PPM1D: variants seen among roughly 807,000 people sequenced by gnomAD.
The protein encoded by PPM1D is protein phosphatase 1D.
A neutral mutation model predicts 58.3 loss-of-function variants in PPM1D; 52 were observed. The ratio of observed to expected loss-of-function variants is 0.89; its 90% CI spans 0.71 to 1.12. PPM1D has a LOEUF of 1.12. PPM1D is among the 50% of genes most tolerant of loss of function. The pLI, the probability that PPM1D is intolerant of heterozygous loss-of-function variation, is 0.00. For missense variants in PPM1D, 564 were observed against 777.2 expected (o/e 0.73, Z 3.26); for synonymous variants, 278 against 285.1 (o/e 0.98, Z 0.25).
chr17:60,630,514 T>A (rs1421430915), intron 2 of PPM1D, among the ~76,000 whole-genome samples: 1 of 152,218 alleles, frequency 6.6e-6, no homozygotes, highest in Non-Finnish European at 1.5e-5. Flanking sequence ...GCCAGCATTT[T>A]GTTTTTCCAG....
chr17:60,628,158 T>C (rs1020504059), intron 2 of PPM1D, among the ~76,000 whole-genome samples: 9 of 152,354 alleles, frequency 5.9e-5, no homozygotes, highest in African/African-American at 2.2e-4. Flanking sequence ...CTGAATTGAA[T>C]GCTTTTTAAA....
intron 4 of PPM1D, among the ~76,000 whole-genome samples, chr17:60,652,602 G>A (rs1265824790): frequency 8.5e-6 from 1 of 117,342 alleles, no homozygotes; most frequent in Non-Finnish European, 1.7e-5. Flanking sequence ...GTTCTTCGTA[G>A]TGGCTGCTCT....
intron 3 of PPM1D, 21 bp downstream of exon 3, chr17:60,633,998 T>A (rs1433683741): frequency 6.2e-7 from 1 of 1,608,646 alleles, no homozygotes; most frequent in Admixed American, 1.7e-5. Context: ...CTTAATTTGG[T>A]GAAATTATAT....
chr17:60,654,555 A>T (rs1214659560), intron 4 of PPM1D, among the ~76,000 whole-genome samples: 2 of 150,824 alleles, frequency 1.3e-5, no homozygotes, highest in South Asian at 4.2e-4. Context: ...ATTTATTTCT[A>T]TGGGTACTTT....
intron 5 of PPM1D, among the ~76,000 whole-genome samples, chr17:60,658,648 C>CAA (rs542643373): frequency 1.8e-4 from 12 of 67,428 alleles, no homozygotes; most frequent in African/African-American, 2.8e-4. Context: ...AACCCCATCT[C>CAA]AAAAAAAAAA....
chr17:60,635,957 T>C (rs147514698), intron 3 of PPM1D, among the ~76,000 whole-genome samples: 38 of 152,298 alleles, frequency 2.5e-4, no homozygotes, highest in African/African-American at 8.9e-4. Context: ...CAGGGTCTCT[T>C]GTGTAGCTGC....
At chr17:60,642,347 A>C (rs2031150920) in intron 3 of PPM1D, among the ~76,000 whole-genome samples, 1 of 148,048 alleles carries the variant, frequency 6.8e-6, no homozygotes, top group Non-Finnish European at 1.5e-5. Flanking sequence ...CAGGTAGAAG[A>C]ATGGATTTTT....
At chr17:60,627,628 G>T (rs2030836600) in intron 2 of PPM1D, among the ~76,000 whole-genome samples, 3 of 151,940 alleles carry the variant, frequency 2.0e-5, no homozygotes, top group South Asian at 2.1e-4. Flanking sequence ...CACCGTTTTG[G>T]TCAGGCTGGT....
rs559904273 is a variant in PPM1D at position 60,605,001 on chromosome 17, T to A, written c.472+4115T>A. On this transcript the variant is annotated intron_variant, in intron 1 of 5. Coordinates refer to ENST00000305921, the MANE Select transcript of PPM1D (RefSeq NM_003620.4). The stretch of plus-strand genomic sequence containing the variant: ...ACCCAGCTAATTTTTGTATTTTTTT[T>A]AGCAGAGATGGGGTTTCGCCATGTT... Among the ~76,000 whole-genome samples the A allele has an allele frequency of 4.6e-5, 7 of 152,268 alleles. No individual in the cohort carries two copies. In the South Asian group the frequency reaches 1.4e-3, roughly 32 times the overall value.
intron 4 of PPM1D, among the ~76,000 whole-genome samples, chr17:60,654,046 G>A (rs557072512): frequency 3.9e-5 from 6 of 152,006 alleles, no homozygotes; most frequent in African/African-American, 1.4e-4. Context: ...TGCTCTGGCC[G>A]GGACTTCCAG....
intron 4 of PPM1D, among the ~76,000 whole-genome samples, chr17:60,654,757 A>G: frequency 6.6e-6 from 1 of 151,650 alleles, no homozygotes. Flanking sequence ...AATCCCAGCT[A>G]CTTGGGAGGC....
intron 3 of PPM1D, among the ~76,000 whole-genome samples, chr17:60,635,484 G>T (rs544705575): frequency 6.6e-6 from 1 of 152,274 alleles, no homozygotes; most frequent in Admixed American, 6.5e-5. Flanking sequence ...CAAAGTGCTG[G>T]GATTACAGGC....
rs2031551111 is a variant in PPM1D, at chr17:60,662,996, C to A, written c.1262C>A (p.Ser421Ter). The stretch of plus-strand genomic sequence containing the variant: ...TTGTTTTACCTTCTTATTTTTCAGT[C>A]ACTGGAGGAGGATCCATGGCCAAGG... Reference protein sequence around the residue: ...PSPCSTPPVKSLEEDPWPRVN... With the variant: ...PSPCSTPPVK Residue 421 changes from serine (S) to a stop codon, truncating the protein, a stop_gained and splice_region_variant, in exon 6 of 6, where the codon TCA becomes TAA. Transcript: ENST00000305921. LOFTEE classifies it high-confidence loss of function. 1 of 1,587,276 alleles carries A rather than the reference C, an allele frequency of 6.3e-7. No homozygotes were observed. The highest frequency in any genetic ancestry group is 8.6e-7 in the Non-Finnish European group (1 of 1,168,236).
chr17:60,646,885 G>A (rs557908526), intron 3 of PPM1D, among the ~76,000 whole-genome samples: 1 of 152,182 alleles, frequency 6.6e-6, no homozygotes, highest in Non-Finnish European at 1.5e-5. Context: ...TGGTCATATG[G>A]TTGGTAAAGA....
At chr17:60,614,345 T>C (rs1347596572) in intron 1 of PPM1D, among the ~76,000 whole-genome samples, 1 of 151,882 alleles carries the variant, frequency 6.6e-6, no homozygotes, top group African/African-American at 2.4e-5. Context: ...TAGCTCAAGG[T>C]TTGTAAATGC....
In PPM1D at chr17:60,665,457, C is replaced by T. The variant is rs575392906; in HGVS notation, c.*1905C>T. ...TCTCTTGACCTCATGATCCACCAGCCTAGGCCTCCCAAAGTGCTGGGATTA... is the reference window on the plus strand; with the variant it reads ...TCTCTTGACCTCATGATCCACCAGCTTAGGCCTCCCAAAGTGCTGGGATTA... On this transcript the variant is annotated 3_prime_UTR_variant, in exon 6 of 6. Transcript: ENST00000305921. 2 of 152,212 alleles carry T rather than the reference C, an allele frequency of 1.3e-5. No homozygotes were observed. The highest frequency in any genetic ancestry group is 2.1e-4 in the South Asian group (1 of 4,820). 9.4% of individuals were successfully genotyped at this position (152,212 alleles called of 1,614,324 possible). A position where few individuals can be genotyped will look rare whatever the true frequency, so the allele number is the denominator to read the frequency against.
intron 5 of PPM1D, chr17:60,657,051 G>A (rs2031455536): frequency 1.4e-6 from 2 of 1,460,514 alleles, no homozygotes; most frequent in South Asian, 2.7e-5. Flanking sequence ...AGGTGATTGT[G>A]GGCCCTTAAG....
At chr17:60,638,738 A>G (rs2031074159) in intron 3 of PPM1D, among the ~76,000 whole-genome samples, 1 of 152,132 alleles carries the variant, frequency 6.6e-6, no homozygotes, top group Non-Finnish European at 1.5e-5. Context: ...GCATGGAAAT[A>G]CTTACTGGCC....
intron 4 of PPM1D, 64 bp from the exon 5 acceptor site, chr17:60,656,529 TGATATA>T: frequency 6.5e-7 from 1 of 1,538,448 alleles, no homozygotes; most frequent in Non-Finnish European, 8.8e-7. Context: ...ATATTTAATT[TGATATA>T]GATACAGATG....
Sources: gnomAD v4.1 joint callset for allele counts (sites outside exome capture counted in the v4.1 genomes callset) on GRCh38, gnomAD v4.1.1 for gene constraint, MANE v1.5 for transcripts, NCBI Gene and HGNC (gene_info 2026-07-23, HGNC 2026-07-21) for gene names.